The following ADAM12 variants were observed in gnomAD, a reference collection of about 807,000 sequenced individuals.
The protein encoded by ADAM12 is disintegrin and metalloproteinase domain-containing protein 12.
Under a neutral mutation model 106.4 loss-of-function variants are expected in ADAM12, and 70 were observed. That is an observed-to-expected ratio of 0.66 (90% confidence interval 0.54 to 0.80). The LOEUF is 0.80. ADAM12 is among the 30% of genes least tolerant of loss of function. The probability of loss-of-function intolerance (pLI) is 0.00; values close to 1 mark genes in which losing one functional copy is unlikely to be tolerated. For synonymous variants in ADAM12, 420 were observed against 433.5 expected (o/e 0.97, Z 0.39); for missense variants, 1,010 against 1,171.9 (o/e 0.86, Z 2.02).
chr10:126,085,401 C>T (rs899340374), intron 11 of ADAM12, among the ~76,000 whole-genome samples: 2 of 152,212 alleles, frequency 1.3e-5, no homozygotes, highest in Non-Finnish European at 2.9e-5. Flanking sequence ...TGCCATTACA[C>T]AGATAAGGAA....
At chr10:126,180,135 T>C (rs1172742484) in intron 3 of ADAM12, among the ~76,000 whole-genome samples, 1 of 152,190 alleles carries the variant, frequency 6.6e-6, no homozygotes, top group Admixed American at 6.5e-5. Context: ...GGCACTGTAT[T>C]AAGGAGTTTT....
At chr10:126,128,639 G>A (rs1406632145) in intron 5 of ADAM12, among the ~76,000 whole-genome samples, 1 of 150,250 alleles carries the variant, frequency 6.7e-6, no homozygotes, top group Non-Finnish European at 1.5e-5. Flanking sequence ...TGAGTGTGTG[G>A]TGTGCATGTG....
At chr10:126,348,752 A>G (rs553531769) in intron 1 of ADAM12, among the ~76,000 whole-genome samples, 8 of 152,344 alleles carry the variant, frequency 5.3e-5, no homozygotes, top group Non-Finnish European at 1.2e-4. Flanking sequence ...AGCGAACCAT[A>G]AATTGGGATC....
intron 2 of ADAM12, among the ~76,000 whole-genome samples, chr10:126,291,870 C>T (rs1179690142): frequency 6.6e-6 from 1 of 152,192 alleles, no homozygotes; most frequent in Non-Finnish European, 1.5e-5. Flanking sequence ...ACCAGGCTTG[C>T]AGGGCTTTGC....
intron 4 of ADAM12, among the ~76,000 whole-genome samples, chr10:126,153,336 C>A (rs1024567444): frequency 1.3e-5 from 2 of 152,088 alleles, no homozygotes; most frequent in African/African-American, 4.8e-5. Flanking sequence ...AAGAGTTCAT[C>A]CTTGGTGTTC....
chr10:126,318,979 C>T (rs879347308), intron 2 of ADAM12, among the ~76,000 whole-genome samples: 6 of 152,148 alleles, frequency 3.9e-5, no homozygotes, highest in Non-Finnish European at 7.4e-5. Flanking sequence ...ATCATGAGAA[C>T]AGCATGGGAA....
chr10:126,083,207 C>T (rs373247404), intron 11 of ADAM12, among the ~76,000 whole-genome samples: 3 of 152,366 alleles, frequency 2.0e-5, no homozygotes, highest in African/African-American at 4.8e-5. Flanking sequence ...CAGACATTCT[C>T]TCACTGACAC....
At chr10:126,166,885 G>C (rs1957034896) in intron 3 of ADAM12, among the ~76,000 whole-genome samples, 1 of 152,140 alleles carries the variant, frequency 6.6e-6, no homozygotes, top group Non-Finnish European at 1.5e-5. Flanking sequence ...CAGATACAGG[G>C]GAAAAGTTGT....
chr10:126,139,517 T>C (rs951548100), intron 4 of ADAM12, among the ~76,000 whole-genome samples: 2 of 152,216 alleles, frequency 1.3e-5, no homozygotes, highest in African/African-American at 4.8e-5. Flanking sequence ...TTGCAAACAA[T>C]GAAAGTGCCG....
chr10:126,108,166 C>A (rs930083590), intron 8 of ADAM12, among the ~76,000 whole-genome samples: 3 of 152,202 alleles, frequency 2.0e-5, no homozygotes, highest in South Asian at 4.1e-4. Context: ...TGCAAGCCCA[C>A]CCTCAGGGTT....
intron 3 of ADAM12, among the ~76,000 whole-genome samples, chr10:126,224,112 C>T (rs557426168): frequency 1.3e-4 from 20 of 150,542 alleles, no homozygotes; most frequent in African/African-American, 2.2e-4. Context: ...GGGAGAGATG[C>T]GGGAAAGGCA....
At chr10:126,252,604 C>A (rs1240224347) in intron 3 of ADAM12, among the ~76,000 whole-genome samples, 1 of 152,160 alleles carries the variant, frequency 6.6e-6, no homozygotes, top group Admixed American at 6.5e-5. Context: ...GGCAAATTCA[C>A]TTTTCCTCTA....
intron 1 of ADAM12, among the ~76,000 whole-genome samples, chr10:126,380,314 G>T (rs1486798856): frequency 6.6e-6 from 1 of 152,192 alleles, no homozygotes; most frequent in African/African-American, 2.4e-5. Flanking sequence ...CATTTGAACT[G>T]CATTACCGTT....
intron 2 of ADAM12, among the ~76,000 whole-genome samples, chr10:126,287,860 C>A (rs1447763274): frequency 6.6e-6 from 1 of 152,040 alleles, no homozygotes; most frequent in Non-Finnish European, 1.5e-5. Context: ...TGTTTACAGT[C>A]TATCTCCCTC....
chr10:126,372,199 C>T (rs745873585), intron 1 of ADAM12, among the ~76,000 whole-genome samples: 3 of 152,266 alleles, frequency 2.0e-5, no homozygotes, highest in Non-Finnish European at 2.9e-5. Context: ...CAGAAGGGGA[C>T]GGTGGCTCAT....
chr10:126,238,428 G>A lies in ADAM12; in HGVS notation c.260+40487C>T, dbSNP rs573128701. On this transcript the variant is annotated intron_variant, in intron 3 of 22. Transcript: ENST00000448723. The stretch of plus-strand genomic sequence containing the variant: ...CAGGAGGCGGAGATTGCAGTGAGCC[G>A]AGATTGTGCCATTGTACTCAGCCTG... Among the ~76,000 whole-genome samples the A allele has an allele frequency of 1.1e-4, 16 of 152,276 alleles. No individual in the cohort carries two copies. In the South Asian group the frequency reaches 2.7e-3, roughly 26 times the overall value.
intron 21 of ADAM12, 87 bp downstream of exon 21, chr10:126,036,059 T>C (rs1954053956): frequency 3.3e-6 from 4 of 1,203,366 alleles, no homozygotes; most frequent in African/African-American, 3.1e-5. Context: ...CACCGAGAAG[T>C]TAAGCAACTT....
At chr10:126,071,376 T>C in intron 12 of ADAM12, 101 bp downstream of exon 12, 1 of 1,420,344 alleles carries the variant, frequency 7.0e-7, no homozygotes, top group Non-Finnish European at 9.7e-7. Context: ...TCCTGAGTTC[T>C]AGTACTTTCA....
rs897324871 is a variant in ADAM12, at chr10:126,053,807, G to A, written c.1610-4138C>T. On this transcript the variant is annotated intron_variant, in intron 14 of 22. Coordinates refer to ENST00000448723, the MANE Select transcript of ADAM12 (RefSeq NM_001288973.2). This position sits in a 1 kb window ranked among gnomAD's most constrained non-coding sequence, Gnocchi z 4.6. ...TGCAACCTCTGCCTCCCGGGTTCAAGCTATTCTCCTGCCTCAGCCTCTCAT... is the reference window on the plus strand; with the variant it reads ...TGCAACCTCTGCCTCCCGGGTTCAAACTATTCTCCTGCCTCAGCCTCTCAT... Among the ~76,000 whole-genome samples the A allele has an allele frequency of 2.0e-5, 3 of 152,038 alleles. No homozygotes were observed. Among genetic ancestry groups the A allele is most frequent in the African/African-American group, 7.2e-5 (3 of 41,384 alleles).
Sources: gnomAD v4.1 joint callset for allele counts (sites outside exome capture counted in the v4.1 genomes callset) on GRCh38, gnomAD v4.1.1 for gene constraint, Gnocchi (gnomAD v3.1) non-coding constraint, MANE v1.5 for transcripts, NCBI Gene and HGNC (gene_info 2026-07-23, HGNC 2026-07-21) for gene names.